GSTK1: variants seen among roughly 807,000 people sequenced by gnomAD.
GSTK1 encodes glutathione S-transferase kappa 1, also known as GST class-kappa.
GSTK1 carries 25 observed loss-of-function variants against 30.9 expected under a neutral mutation model. The ratio of observed to expected loss-of-function variants is 0.81; its 90% CI spans 0.59 to 1.13. The LOEUF (loss-of-function observed/expected upper bound fraction) is 1.13. Ranked by LOEUF, GSTK1 falls within the 50% of genes most tolerant of loss-of-function variation. The pLI is 0.00. For synonymous variants in GSTK1, 108 were observed against 112.5 expected, an observed-to-expected ratio of 0.96 and a Z score of 0.25; for missense variants, 292 against 292.4, an observed-to-expected ratio of 1.00 and a Z score of 0.01.
chr7:143,266,122 C>T (rs1262255409), intron 5 of GSTK1, among the ~76,000 whole-genome samples: 1 of 149,140 alleles, frequency 6.7e-6, no homozygotes, highest in Non-Finnish European at 1.5e-5. Flanking sequence ...CCTTTGCCTC[C>T]TGGACTCAAG....
intron 2 of GSTK1, 181 bp from the exon 3 acceptor site, chr7:143,264,367 C>T (rs1800807245): frequency 7.6e-6 from 6 of 786,506 alleles, no homozygotes; most frequent in Non-Finnish European, 1.3e-5. Flanking sequence ...TCGCTTGAAC[C>T]CAGGAGGCGG....
Position 143,264,688 on chromosome 7 carries a change from G to T in GSTK1, c.283+12G>T, listed in dbSNP as rs1198682453. The T allele has an allele frequency of 6.2e-6, 10 of 1,613,860 alleles. No individual in the cohort carries two copies. In the South Asian group the frequency reaches 8.8e-5, roughly 14 times the overall value. ...GATGCTTGAAAAAGGTGAAGAGAGT[G>T]GGATGTAGACAGGGTATCCAGTGAA... On this transcript the variant is annotated intron_variant, in intron 3 of 7. Transcript: ENST00000358406.
At chr7:143,264,500 G>A (rs1800811891) in intron 2 of GSTK1, 48 bp from the exon 3 acceptor site, 5 of 1,605,704 alleles carry the variant, frequency 3.1e-6, no homozygotes, top group African/African-American at 1.3e-5. Context: ...CCAAACCTGG[G>A]ACCCTTAGGT....
At chr7:143,267,299 C>G (rs369723899) in intron 5 of GSTK1, among the ~76,000 whole-genome samples, 2 of 152,178 alleles carry the variant, frequency 1.3e-5, no homozygotes, top group South Asian at 2.1e-4. Context: ...TAACTCTGAG[C>G]AAGTAATGTA....
At chr7:143,266,982 C>T (rs181095676) in intron 5 of GSTK1, among the ~76,000 whole-genome samples, 162 of 152,124 alleles carry the variant, frequency 1.1e-3, no homozygotes, top group Middle Eastern at 6.8e-3. Context: ...GATGACCTCA[C>T]GTGGAGATTT....
intron 2 of GSTK1, 102 bp from the exon 3 acceptor site, chr7:143,264,446 A>G: frequency 1.6e-6 from 2 of 1,232,580 alleles, no homozygotes; most frequent in Non-Finnish European, 2.3e-6. Context: ...CAACAAGAGA[A>G]AAAAAAGGAA....
chr7:143,265,103 G>T lies in GSTK1; in HGVS notation c.384+11G>T, dbSNP rs201201238. On this transcript the variant is annotated intron_variant, in intron 4 of 7. Coordinates refer to ENST00000358406, the MANE Select transcript of GSTK1 (RefSeq NM_015917.3). Reference sequence around the variant, plus strand: ...CGCGTCTGGTCAAGGGTGAGTGTGGGGCTCTGGGAATCCTCTGGGAGGACC... The same window carrying T: ...CGCGTCTGGTCAAGGGTGAGTGTGGTGCTCTGGGAATCCTCTGGGAGGACC... The T allele has an allele frequency of 1.9e-6, 3 of 1,614,090 alleles. No homozygotes were observed. Among genetic ancestry groups the T allele is most frequent in the Non-Finnish European group, 2.5e-6 (3 of 1,180,022 alleles).
In GSTK1 at chr7:143,268,329, A is replaced by G; in HGVS notation, c.631+145A>G. 1.6e-6 allele frequency: 1 copy of G among 613,000 alleles called. No homozygotes were observed. The highest frequency in any genetic ancestry group is 2.9e-6 in the Non-Finnish European group (1 of 350,182). 38.0% of individuals were successfully genotyped at this position (613,000 alleles called of 1,614,324 possible). A position where few individuals can be genotyped will look rare whatever the true frequency, so the allele number is the denominator to read the frequency against. On this transcript the variant is annotated intron_variant, in intron 7 of 7. Coordinates refer to ENST00000358406, the MANE Select transcript of GSTK1 (RefSeq NM_015917.3). The surrounding 1 kb of genome is among the most constrained non-coding windows in gnomAD (Gnocchi z 4.1). ...AACATGGTGAAACCCCGTCTCTACTAAAAATATAAAAATTAGCTGGGACTA... is the reference window on the plus strand; with the variant it reads ...AACATGGTGAAACCCCGTCTCTACTGAAAATATAAAAATTAGCTGGGACTA...
In GSTK1 at chr7:143,264,684, G is replaced by C. The variant is rs763985050; in HGVS notation, c.283+8G>C. The C allele has an allele frequency of 1.9e-6, 3 of 1,613,974 alleles. No individual in the cohort carries two copies. The highest frequency in any genetic ancestry group is 2.5e-6 in the Non-Finnish European group (3 of 1,179,962). On this transcript the variant is annotated splice_region_variant and intron_variant, in intron 3 of 7. Transcript: ENST00000358406. ...CTGTGATGCTTGAAAAAGGTGAAGA[G>C]AGTGGGATGTAGACAGGGTATCCAG...
intron 2 of GSTK1, 46 bp downstream of exon 2, chr7:143,264,213 G>C: frequency 6.6e-7 from 1 of 1,521,610 alleles, no homozygotes; most frequent in Non-Finnish European, 9.1e-7. Context: ...TGGCCCAAGA[G>C]AGCCGACCCC....
chr7:143,266,023 C>CTTTTTTTTTT (rs11296238), intron 5 of GSTK1, among the ~76,000 whole-genome samples: 3 of 69,254 alleles, frequency 4.3e-5, no homozygotes, highest in African/African-American at 6.4e-5. Context: ...ATTTTCCATG[C>CTTTTTTTTTT]TTTTTTTTTT....
In GSTK1 at chr7:143,268,881, C is replaced by T. The variant is rs765124168; in HGVS notation, c.*44C>T. 5 of 1,534,668 alleles carry T rather than the reference C, an allele frequency of 3.3e-6. No homozygotes were observed. In the East Asian group the frequency reaches 9.0e-5, roughly 28 times the overall value. The stretch of plus-strand genomic sequence containing the variant: ...AACTCTTCGTATAAAAAAAGCAGGC[C>T]ATCTGCTTAACCCTTGGCTCCACCA... On this transcript the variant is annotated 3_prime_UTR_variant, in exon 8 of 8. Transcript: ENST00000358406. The surrounding 1 kb of genome is among the most constrained non-coding windows in gnomAD (Gnocchi z 4.1).
In GSTK1 at chr7:143,264,992, G is replaced by A. The variant is rs1156295448; in HGVS notation, c.284G>A (p.Gly95Glu). The A allele has an allele frequency of 6.2e-7, 1 of 1,613,666 alleles. No homozygotes were observed. Among genetic ancestry groups the A allele is most frequent in the Non-Finnish European group, 8.5e-7 (1 of 1,179,758 alleles). ...GCCTCTGGGTGCCTCTGCCCCACAG[G>A]AAGTTTGTCTGCCATGCGTTTCCTC... is the stretch of plus-strand genomic sequence containing the variant. ...KDFLSVMLEK[G>E]SLSAMRFLTA... The change falls in exon 4 of 8, where the codon GGA becomes GAA. Residue 95 changes from glycine (G) to glutamate (E), a missense_variant and splice_region_variant. Transcript: ENST00000358406.
chr7:143,263,724 G>T, intron 1 of GSTK1, 139 bp downstream of exon 1: 1 of 735,400 alleles, frequency 1.4e-6, no homozygotes, highest in Non-Finnish European at 2.3e-6. Flanking sequence ...AGAGCTCCGG[G>T]GCTGAAGGTC....
Position 143,264,108 on chromosome 7 carries a change from T to G in GSTK1, c.95T>G (p.Ile32Ser). The G allele has an allele frequency of 1.9e-6, 3 of 1,614,102 alleles. No individual in the cohort carries two copies. The South Asian group carries it at 3.3e-5, about 18-fold the overall frequency. ...GFEILCRYQN[I>S]WNINLQLRPS... Reference sequence around the variant, plus strand: ...CAGATCCTGTGCCGGTATCAGAATATCTGGAACATCAACCTGCAGTTGCGG... The same window carrying G: ...CAGATCCTGTGCCGGTATCAGAATAGCTGGAACATCAACCTGCAGTTGCGG... Residue 32 changes from isoleucine to serine, a missense_variant, in exon 2 of 8, where the codon ATC becomes AGC. Coordinates refer to ENST00000358406, the MANE Select transcript of GSTK1 (RefSeq NM_015917.3).
At chr7:143,264,230 T>TC in intron 2 of GSTK1, 63 bp downstream of exon 2, 1 of 1,403,308 alleles carries the variant, frequency 7.1e-7, no homozygotes, top group Non-Finnish European at 1.0e-6. Context: ...CCCCAGCGGG[T>TC]CCTTATATTG....
At chr7:143,264,398 C>G (rs1800808450) in intron 2 of GSTK1, 150 bp from the exon 3 acceptor site, 2 of 858,752 alleles carry the variant, frequency 2.3e-6, no homozygotes, top group South Asian at 1.6e-5. Context: ...GAGCTGAGAT[C>G]GCACCATTGC....
In GSTK1 at chr7:143,264,262, C is replaced by T. The variant is rs534791535; in HGVS notation, c.154+95C>T. ...ATTGGCACTGGCAGCCAGAAAGCTGCCCTCTGCCCCGTCTCTACTAAAAAT... is the reference window on the plus strand; with the variant it reads ...ATTGGCACTGGCAGCCAGAAAGCTGTCCTCTGCCCCGTCTCTACTAAAAAT... On this transcript the variant is annotated intron_variant, in intron 2 of 7. Coordinates refer to ENST00000358406, the MANE Select transcript of GSTK1 (RefSeq NM_015917.3). 5.1e-5 allele frequency: 56 copies of T among 1,092,222 alleles called. No individual in the cohort carries two copies. In the African/African-American group the frequency reaches 7.3e-4, roughly 14 times the overall value. 67.7% of individuals were successfully genotyped at this position (1,092,222 alleles called of 1,614,324 possible).
At chr7:143,263,694 A>G (rs1800781216) in intron 1 of GSTK1, 109 bp downstream of exon 1, 4 of 1,008,002 alleles carry the variant, frequency 4.0e-6, no homozygotes, top group East Asian at 2.4e-5. Context: ...GCGCCGCCCA[A>G]GGGGTTAAGG....
Sources: allele counts gnomAD v4.1 joint callset (sites outside exome capture counted in the v4.1 genomes callset), GRCh38; gene constraint gnomAD v4.1.1; non-coding constraint Gnocchi (gnomAD v3.1); transcripts MANE v1.5; gene names NCBI Gene and HGNC (gene_info 2026-07-23, HGNC 2026-07-21).